PI4KB: variants seen among roughly 807,000 people sequenced by gnomAD.
The protein encoded by PI4KB is phosphatidylinositol 4-kinase beta.
In PI4KB, 23 loss-of-function variants were observed where a neutral mutation model predicts 81.4. The ratio of observed to expected loss-of-function variants is 0.28; its 90% confidence interval spans 0.20 to 0.40. The LOEUF is 0.40. PI4KB is among the 10% of genes least tolerant of loss of function. The pLI is 1.00. For synonymous variants in PI4KB, 381 were observed against 406.8 expected (o/e 0.94, Z 0.76); for missense variants, 651 against 1,036.6 (o/e 0.63, Z 5.11).
intron 2 of PI4KB, among the ~76,000 whole-genome samples, chr1:151,311,531 G>A (rs1025232346): frequency 6.6e-6 from 1 of 152,254 alleles, no homozygotes; most frequent in Non-Finnish European, 1.5e-5. Context: ...ATTTTGGGTA[G>A]AAGGTGGTGG....
intron 11 of PI4KB, chr1:151,293,470 G>T: frequency 1.7e-6 from 2 of 1,211,142 alleles, no homozygotes; most frequent in Non-Finnish European, 2.1e-6. Context: ...AACCTGTGGG[G>T]TAGGGGCAGG....
intron 5 of PI4KB, among the ~76,000 whole-genome samples, chr1:151,304,789 C>T (rs1695611053): frequency 6.6e-6 from 1 of 151,786 alleles, no homozygotes; most frequent in Non-Finnish European, 1.5e-5. Flanking sequence ...CACTTGCCTC[C>T]CGAGTAGCTG....
At chr1:151,316,620 C>T (rs1647986716) in intron 1 of PI4KB, 111 bp from the exon 2 acceptor site, 1 of 666,478 alleles carries the variant, frequency 1.5e-6, no homozygotes, top group Admixed American at 3.7e-5. Context: ...CAGGCACCTC[C>T]TCTTTTTGTC....
intron 8 of PI4KB, among the ~76,000 whole-genome samples, chr1:151,301,223 CCTTTTTTTT>C (rs1483403491): frequency 2.0e-5 from 3 of 151,942 alleles, no homozygotes; most frequent in Non-Finnish European, 2.9e-5. Context: ...CCCTTTCTCT[CCTTTTTTTT>C]TGAGACAGAG....
chr1:151,326,283 G>C, intron 1 of PI4KB: 1 of 1,163,756 alleles, frequency 8.6e-7, no homozygotes, highest in South Asian at 1.4e-5. Flanking sequence ...CCGGCCTTCA[G>C]AAACACCCTT....
rs144203698 is a variant in PI4KB at position 151,302,577 on chromosome 1, C to CTTTTTT, written c.1521-285_1521-280dup. ...AGAATTTGCATTTTTCTTTTCTTTTCTTTTTTTTTTTTTTTTTGAGATAAG... is the reference window on the plus strand; with the variant it reads ...AGAATTTGCATTTTTCTTTTCTTTTCTTTTTTTTTTTTTTTTTTTTTTTGAGATAAG... On this transcript the variant is annotated intron_variant, in intron 6 of 11. Coordinates refer to ENST00000368873, the MANE Select transcript of PI4KB (RefSeq NM_001369623.2). Among the ~76,000 whole-genome samples the CTTTTTT allele has an allele frequency of 9.7e-5, 13 of 133,792 alleles. 1 individual carries two copies. The highest frequency in any genetic ancestry group is 2.1e-4 in the East Asian group (1 of 4,666). The allele number at this position is 133,792 out of a possible 152,430, so 87.8% of individuals were successfully genotyped here.
chr1:151,317,879 G>T (rs1256291688), intron 1 of PI4KB, among the ~76,000 whole-genome samples: 2 of 152,062 alleles, frequency 1.3e-5, no homozygotes, highest in East Asian at 3.9e-4. Flanking sequence ...CATGATCATA[G>T]CTCACTGTAA....
In PI4KB at chr1:151,307,712, T is replaced by C. The variant is rs1371672804; in HGVS notation, c.1044A>G (p.Lys348=). 2 of 1,614,148 alleles carry C rather than the reference T, an allele frequency of 1.2e-6. No individual in the cohort carries two copies. Among genetic ancestry groups the C allele is most frequent in the East Asian group, 2.2e-5 (1 of 44,886 alleles). ...RLATLPTKEQ[K]TQRLISELSL... The stretch of plus-strand genomic sequence containing the variant: ...AGAGCTCTGAGATCAGCCTCTGTGT[T>C]TTCTGCTCTTTGGTGGGGAGCGTGG... The change falls in exon 4 of 12, where the codon AAA becomes AAG. Residue 348 remains lysine, a synonymous_variant. Coordinates refer to ENST00000368873, the MANE Select transcript of PI4KB (RefSeq NM_001369623.2).
rs587611013 is a variant in PI4KB at position 151,306,578 on chromosome 1, A to G, written c.1183-215T>C. The G allele has an allele frequency of 2.1e-4, 120 of 574,410 alleles. No homozygotes were observed. The South Asian group carries it at 2.3e-3, about 11-fold the overall frequency. 35.6% of individuals were successfully genotyped at this position (574,410 alleles called of 1,614,324 possible). A position where few individuals can be genotyped will look rare whatever the true frequency, so the allele number is the denominator to read the frequency against. The stretch of plus-strand genomic sequence containing the variant: ...GTGACAGAATCCTTAAGTCTTCAAA[A>G]TATTTCAACTGAGCTCCAAAATGTA... On this transcript the variant is annotated intron_variant, in intron 4 of 11. Coordinates refer to ENST00000368873, the MANE Select transcript of PI4KB (RefSeq NM_001369623.2).
chr1:151,316,858 T>C (rs569677087), intron 1 of PI4KB, among the ~76,000 whole-genome samples: 2 of 152,384 alleles, frequency 1.3e-5, no homozygotes, highest in East Asian at 1.9e-4. Context: ...AGTCTCGCTC[T>C]GTCACCCAGG....
rs748003107 is a variant in PI4KB, at chr1:151,307,604, T to G, written c.1152A>C (p.Thr384=). The part of the protein sequence containing the change: ...FDHHVVRVPH[T]QAVVLNSKDK... Reference sequence around the variant, plus strand: ...CCTTGGAGTTGAGGACAACAGCCTGTGTGTGGGGTACACGGACCACGTGGT... The same window carrying G: ...CCTTGGAGTTGAGGACAACAGCCTGGGTGTGGGGTACACGGACCACGTGGT... The change falls in exon 4 of 12, where the codon ACA becomes ACC. Residue 384 remains threonine (T), a synonymous_variant. Coordinates refer to ENST00000368873, the MANE Select transcript of PI4KB (RefSeq NM_001369623.2). The G allele has an allele frequency of 3.1e-6, 5 of 1,613,876 alleles. No homozygotes were observed. The African/African-American group carries it at 5.3e-5, about 17-fold the overall frequency.
At chr1:151,299,509 G>C (rs1200991377) in intron 8 of PI4KB, among the ~76,000 whole-genome samples, 1 of 152,064 alleles carries the variant, frequency 6.6e-6, no homozygotes, top group Non-Finnish European at 1.5e-5. Flanking sequence ...TCAGTAGAGA[G>C]TGAAACCTCG....
chr1:151,302,244 T>C lies in PI4KB; in HGVS notation c.1575A>G (p.Pro525=), dbSNP rs1695343607. ...AHTPTAFKRD[P]EDPSAVALKE... is the part of the protein sequence containing the mutation. Reference sequence around the variant, plus strand: ...TGAGAGCAACTGCAGAAGGATCTTCTGGGTCTCGTTTGAAGGCTGTCGGGG... The same window carrying C: ...TGAGAGCAACTGCAGAAGGATCTTCCGGGTCTCGTTTGAAGGCTGTCGGGG... The change falls in exon 7 of 12, where the codon CCA becomes CCG. Residue 525 remains proline (P), a synonymous_variant. Coordinates refer to ENST00000368873, the MANE Select transcript of PI4KB (RefSeq NM_001369623.2). The C allele has an allele frequency of 6.2e-7, 1 of 1,614,208 alleles. No homozygotes were observed.
chr1:151,310,189 G>A (rs199640808), intron 3 of PI4KB, 22 bp downstream of exon 3: 26 of 1,593,614 alleles, frequency 1.6e-5, no homozygotes, highest in African/African-American at 9.4e-5. Context: ...CTGCCACCCC[G>A]TCCCAGCCTG....
chr1:151,294,963 G>T (rs1175655573), intron 9 of PI4KB, among the ~76,000 whole-genome samples: 1 of 152,174 alleles, frequency 6.6e-6, no homozygotes. Context: ...TTACCTGTGG[G>T]TTATTTGTAA....
At chr1:151,324,660 T>C (rs1649360829) in intron 1 of PI4KB, 1 of 537,406 alleles carries the variant, frequency 1.9e-6, no homozygotes, top group South Asian at 8.2e-5. Context: ...GGAGCTGGTA[T>C]AAGCAGATTC....
Position 151,299,682 on chromosome 1 carries a change from T to C in PI4KB, c.1750-609A>G, listed in dbSNP as rs587773333. Among the ~76,000 whole-genome samples, 3 of 151,716 alleles carry C rather than the reference T, an allele frequency of 2.0e-5. No homozygotes were observed. The South Asian group carries it at 6.2e-4, about 32-fold the overall frequency. On this transcript the variant is annotated intron_variant, in intron 8 of 11. Transcript: ENST00000368873. Reference sequence around the variant, plus strand: ...TCCAGCCTGGGCGACAGAGCGAGACTCTCTCCGACGAAAAAAAAGAAAAAA... The same window carrying C: ...TCCAGCCTGGGCGACAGAGCGAGACCCTCTCCGACGAAAAAAAAGAAAAAA...
chr1:151,293,165 C>A, intron 11 of PI4KB, 132 bp from the exon 12 acceptor site: 1 of 1,495,056 alleles, frequency 6.7e-7, no homozygotes, highest in East Asian at 2.4e-5. Context: ...GATGTGGGTG[C>A]AGTTCTGCTT....
At chr1:151,313,208 T>A (rs1337350173) in intron 2 of PI4KB, among the ~76,000 whole-genome samples, 1 of 152,202 alleles carries the variant, frequency 6.6e-6, no homozygotes, top group Non-Finnish European at 1.5e-5. Flanking sequence ...CATAATGAAT[T>A]CAGGTATTTC....
Sources: gnomAD v4.1 joint callset for allele counts (sites outside exome capture counted in the v4.1 genomes callset) on GRCh38, gnomAD v4.1.1 for gene constraint, MANE v1.5 for transcripts, NCBI Gene and HGNC (gene_info 2026-07-23, HGNC 2026-07-21) for gene names.